Variants in INPP4A observed in about 807,000 individuals in gnomAD.
The protein encoded by INPP4A is inositol polyphosphate-4-phosphatase type I A, also known as inositol polyphosphate-4-phosphatase, type I, 107kD.
In INPP4A, 33 loss-of-function variants were observed where a neutral mutation model predicts 119.8. The ratio of observed to expected loss-of-function variants is 0.28; its 90% confidence interval spans 0.21 to 0.37. The LOEUF is 0.37. INPP4A is among the 10% of genes least tolerant of loss of function. The probability of loss-of-function intolerance (pLI) is 1.00; values close to 1 mark genes in which losing one functional copy is unlikely to be tolerated. For synonymous variants in INPP4A, 496 were observed against 500.7 expected (o/e 0.99, Z 0.12); for missense variants, 956 against 1,289.9 (o/e 0.74, Z 3.97).
At chr2:98,475,385 C>G (rs1022707374) in intron 1 of INPP4A, among the ~76,000 whole-genome samples, 3 of 152,042 alleles carry the variant, frequency 2.0e-5, no homozygotes, top group African/African-American at 7.2e-5. Context: ...CCTCTAAAAC[C>G]CCATGGGCGG....
intron 1 of INPP4A, among the ~76,000 whole-genome samples, chr2:98,500,337 G>A (rs1682870633): frequency 6.6e-6 from 1 of 152,104 alleles, no homozygotes; most frequent in Admixed American, 6.5e-5. Flanking sequence ...GTTTGAGGGG[G>A]GAAAATAGGG....
intron 1 of INPP4A, among the ~76,000 whole-genome samples, chr2:98,478,450 G>A (rs557673337): frequency 3.7e-4 from 57 of 152,338 alleles, no homozygotes; most frequent in African/African-American, 1.3e-3. Flanking sequence ...TTGCAGTCCA[G>A]CTGAGTGCCT....
In INPP4A at chr2:98,554,415, G is replaced by A. The variant is rs1248810456; in HGVS notation, c.1492G>A (p.Asp498Asn). The change falls in exon 15 of 25, where the codon GAC (aspartate) becomes AAC (asparagine). Residue 498 changes from aspartate (D) to asparagine (N), a missense_variant. Transcript: ENST00000409851. The surrounding 1 kb of genome is among the most constrained non-coding windows in gnomAD (Gnocchi z 4.7). ...GCAGGTGATGCTTAGAAATGACCAG[G>A]ACACCCTCATGGCCCGGTGGACAGG... ...EEQVMLRNDQ[D>N]TLMARWTGRN... 7.4e-6 allele frequency: 12 copies of A among 1,613,790 alleles called. No homozygotes were observed. The highest frequency in any genetic ancestry group is 1.7e-5 in the Admixed American group (1 of 60,006).
intron 1 of INPP4A, among the ~76,000 whole-genome samples, chr2:98,461,025 C>A (rs761152101): frequency 6.6e-6 from 1 of 152,132 alleles, no homozygotes; most frequent in African/African-American, 2.4e-5. Context: ...CAGCTGCAGC[C>A]GGTTCCATCT....
chr2:98,588,196 G>C lies in INPP4A; in HGVS notation c.*588G>C, dbSNP rs561796551. On this transcript the variant is annotated 3_prime_UTR_variant, in exon 25 of 25. Coordinates refer to ENST00000409851, the MANE Select transcript of INPP4A (RefSeq NM_001134225.2). ...TTGAAAGAAAGATTGATAAATCAAC[G>C]GGAGATAAGACTTTATTAGAAGGTA... 1 of 210,148 alleles carries C rather than the reference G, an allele frequency of 4.8e-6. No homozygotes were observed. Among genetic ancestry groups the C allele is most frequent in the African/African-American group, 2.3e-5 (1 of 44,016 alleles). 13.0% of individuals were successfully genotyped at this position (210,148 alleles called of 1,614,324 possible). A position where few individuals can be genotyped will look rare whatever the true frequency, so the allele number is the denominator to read the frequency against.
At chr2:98,559,426 T>A in intron 16 of INPP4A, 37 bp from the exon 17 acceptor site, 1 of 1,613,286 alleles carries the variant, frequency 6.2e-7, no homozygotes, top group Non-Finnish European at 8.5e-7. Flanking sequence ...TGTGTGCTGC[T>A]CCTTAATCAT....
intron 1 of INPP4A, among the ~76,000 whole-genome samples, chr2:98,452,413 A>T (rs1288227252): frequency 2.0e-5 from 3 of 152,186 alleles, no homozygotes; most frequent in East Asian, 1.9e-4. Flanking sequence ...CTTTAAGAAG[A>T]CTTCCAGGTG....
chr2:98,561,199 C>T (rs926822434), intron 17 of INPP4A, among the ~76,000 whole-genome samples: 9 of 152,162 alleles, frequency 5.9e-5, no homozygotes, highest in African/African-American at 1.4e-4. Flanking sequence ...AATTCACTAC[C>T]GGTCTGCGAA....
chr2:98,499,046 A>C (rs17032806), intron 1 of INPP4A, among the ~76,000 whole-genome samples: 2 of 152,212 alleles, frequency 1.3e-5, no homozygotes, highest in African/African-American at 4.8e-5. Context: ...CTTTTTGCCA[A>C]TTCTGCCCCA....
intron 1 of INPP4A, among the ~76,000 whole-genome samples, chr2:98,460,252 G>A (rs528244813): frequency 2.6e-5 from 4 of 152,270 alleles, no homozygotes; most frequent in East Asian, 1.9e-4. Context: ...AGGAAAGGTG[G>A]CCTCTTCCTC....
chr2:98,514,635 G>T (rs1685761926), intron 1 of INPP4A, among the ~76,000 whole-genome samples: 1 of 152,112 alleles, frequency 6.6e-6, no homozygotes, highest in South Asian at 2.1e-4. Context: ...CCAAAAGGAG[G>T]CCAGGTGTTA....
chr2:98,575,830 C>A (rs1478287686), intron 23 of INPP4A, among the ~76,000 whole-genome samples: 1 of 152,184 alleles, frequency 6.6e-6, no homozygotes, highest in Non-Finnish European at 1.5e-5. Context: ...TCATTAAATA[C>A]CAGCCTTGGT....
At chr2:98,587,045 C>G (rs1700028179) in intron 24 of INPP4A, among the ~76,000 whole-genome samples, 1 of 152,224 alleles carries the variant, frequency 6.6e-6, no homozygotes, top group Middle Eastern at 3.2e-3. Context: ...ACAGCTCTTG[C>G]TAATACAGAA....
At chr2:98,537,765 C>G (rs1157361634) in intron 7 of INPP4A, 98 bp from the exon 8 acceptor site, 2 of 885,200 alleles carry the variant, frequency 2.3e-6, no homozygotes, top group Non-Finnish European at 1.8e-6. Flanking sequence ...CCTGCTGCCC[C>G]CAGGACCCTG....
chr2:98,514,622 G>C (rs1685758399), intron 1 of INPP4A, among the ~76,000 whole-genome samples: 1 of 152,046 alleles, frequency 6.6e-6, no homozygotes, highest in African/African-American at 2.4e-5. Flanking sequence ...TTTCATTAAA[G>C]ACCCAAAAGG....
At chr2:98,469,178 G>A (rs1221200314) in intron 1 of INPP4A, among the ~76,000 whole-genome samples, 1 of 152,142 alleles carries the variant, frequency 6.6e-6, no homozygotes, top group Non-Finnish European at 1.5e-5. Flanking sequence ...AGCTGGGGTG[G>A]AGAGCAGTGG....
intron 1 of INPP4A, among the ~76,000 whole-genome samples, chr2:98,503,443 C>T (rs1683498199): frequency 6.6e-6 from 1 of 152,220 alleles, no homozygotes; most frequent in South Asian, 2.1e-4. Context: ...TTGCTGGATG[C>T]ACCTGTGCCT....
At position 98,530,199 on chromosome 2, in the gene INPP4A, G is replaced by GAA. The variant is rs796205802; in HGVS notation, c.152-3164_152-3163dup. Reference sequence around the variant, plus strand: ...TACCATAAGGACAACTAGAAAAAGTGAAAAAAAAAAAAAAATCTGAACTAC... The same window carrying GAA: ...TACCATAAGGACAACTAGAAAAAGTGAAAAAAAAAAAAAAAAATCTGAACTAC... On this transcript the variant is annotated intron_variant, in intron 4 of 24. Coordinates refer to ENST00000409851, the MANE Select transcript of INPP4A (RefSeq NM_001134225.2). 4.9e-4 allele frequency among the ~76,000 whole-genome samples: 64 copies of GAA among 130,870 alleles called. No individual in the cohort carries two copies. The Middle Eastern group carries it at 0.012, about 25-fold the overall frequency. The allele number at this position is 130,870 out of a possible 152,430, so 85.9% of individuals were successfully genotyped here. A position where few individuals can be genotyped will look rare whatever the true frequency, so the allele number is the denominator to read the frequency against.
chr2:98,587,820 T>G lies in INPP4A; in HGVS notation c.*212T>G, dbSNP rs914326582. On this transcript the variant is annotated 3_prime_UTR_variant, in exon 25 of 25. Transcript: ENST00000409851. ...CAATAGGAGGTAATGTTTGGCTCAA[T>G]AGTGTGGATAGTAACAACTGCCTAT... The G allele has an allele frequency of 2.2e-6, 1 of 444,586 alleles. No homozygotes were observed. The highest frequency in any genetic ancestry group is 2.1e-5 in the African/African-American group (1 of 48,530). 27.5% of individuals were successfully genotyped at this position (444,586 alleles called of 1,614,324 possible). A position where few individuals can be genotyped will look rare whatever the true frequency, so the allele number is the denominator to read the frequency against.
Sources: gnomAD v4.1 joint callset for allele counts (sites outside exome capture counted in the v4.1 genomes callset) on GRCh38, gnomAD v4.1.1 for gene constraint, Gnocchi (gnomAD v3.1) non-coding constraint, MANE v1.5 for transcripts, NCBI Gene and HGNC (gene_info 2026-07-23, HGNC 2026-07-21) for gene names.